Variants in ARHGEF2 observed in about 807,000 individuals in gnomAD.
ARHGEF2 encodes Rho/Rac guanine nucleotide exchange factor 2.
Under a neutral mutation model 121.0 loss-of-function variants are expected in ARHGEF2, and 22 were observed. The ratio of observed to expected loss-of-function variants is 0.18; its 90% CI spans 0.13 to 0.26. The LOEUF (loss-of-function observed/expected upper bound fraction) is 0.26. Among genes scored for constraint, ARHGEF2 ranks in the 10% least tolerant of loss-of-function variants. The pLI is 1.00. For synonymous variants in ARHGEF2, 487 were observed against 530.0 expected (o/e 0.92, Z 1.11); for missense variants, 907 against 1,336.0 (o/e 0.68, Z 5.01).
At position 155,962,296 on chromosome 1, in the gene ARHGEF2, T is replaced by C; in HGVS notation, c.1102-74A>G. 6.8e-7 allele frequency: 1 copy of C among 1,476,926 alleles called. No individual in the cohort carries two copies. Among genetic ancestry groups the C allele is most frequent in the Non-Finnish European group, 9.4e-7 (1 of 1,066,062 alleles). 91.5% of individuals were successfully genotyped at this position (1,476,926 alleles called of 1,614,324 possible). ...AGGCCTGGGGCCTGAGCTCTGGTGC[T>C]GGCCCTGGCGTGGCCATTTACCTCA... On this transcript the variant is annotated intron_variant, in intron 9 of 21. Transcript: ENST00000361247. This position sits in a 1 kb window ranked among gnomAD's most constrained non-coding sequence, Gnocchi z 5.8.
Position 155,950,952 on chromosome 1 carries a change from C to G in ARHGEF2, c.2580G>C (p.Leu860=). The G allele has an allele frequency of 6.2e-7, 1 of 1,606,998 alleles. No individual in the cohort carries two copies. Among genetic ancestry groups the G allele is most frequent in the African/African-American group, 1.3e-5 (1 of 74,946 alleles). The change falls in exon 20 of 22, where the codon CTG becomes CTC. Residue 860 remains leucine (L), a synonymous_variant. Coordinates refer to ENST00000361247, the MANE Select transcript of ARHGEF2 (RefSeq NM_001162383.2). The surrounding 1 kb of genome is among the most constrained non-coding windows in gnomAD (Gnocchi z 5.2). The stretch of plus-strand genomic sequence containing the variant: ...GTGGCTCGGTCTGGCCCAGGGCGGC[C>G]AGCTGCCTTCGAGCCTCTTCGGCCT... ...EREAEEARRQ[L]AALGQTEPLP...
Position 155,970,291 on chromosome 1 carries a change from C to A in ARHGEF2, c.64-991G>T, listed in dbSNP as rs1572180786. 12 of 985,640 alleles carry A rather than the reference C, an allele frequency of 1.2e-5. No homozygotes were observed. In the South Asian group the frequency reaches 4.2e-4, roughly 35 times the overall value. The allele number at this position is 985,640 out of a possible 1,614,324, so 61.1% of individuals were successfully genotyped here. On this transcript the variant is annotated intron_variant, in intron 1 of 21. Coordinates refer to ENST00000361247, the MANE Select transcript of ARHGEF2 (RefSeq NM_001162383.2). ...CATCTCTGCTGTCTCCCATTTCCCC[C>A]AGTGCCCCTGCCTCTGCAAGTCAAG... is the stretch of plus-strand genomic sequence containing the variant.
chr1:155,951,667 C>T lies in ARHGEF2; in HGVS notation c.2208+74G>A. The T allele has an allele frequency of 1.2e-6, 2 of 1,610,850 alleles. No individual in the cohort carries two copies. ...ATGTAGACGCTTTCCCCACCCCACT[C>T]CAAACTGGGCTCTAACTACTCAGAC... is the stretch of plus-strand genomic sequence containing the variant. On this transcript the variant is annotated intron_variant, in intron 18 of 21. Coordinates refer to ENST00000361247, the MANE Select transcript of ARHGEF2 (RefSeq NM_001162383.2). This position sits in a 1 kb window ranked among gnomAD's most constrained non-coding sequence, Gnocchi z 5.1.
In ARHGEF2 at chr1:155,951,911, G is replaced by T. The variant is rs751397584; in HGVS notation, c.2172+8C>A. The T allele has an allele frequency of 8.1e-6, 13 of 1,613,954 alleles. No individual in the cohort carries two copies. In the South Asian group the frequency reaches 1.3e-4, roughly 16 times the overall value. On this transcript the variant is annotated splice_region_variant and intron_variant, in intron 17 of 21. Transcript: ENST00000361247. The surrounding 1 kb of genome is among the most constrained non-coding windows in gnomAD (Gnocchi z 5.1). ...CTTGCCAAGTCCCAGAACCTCTTGA[G>T]GACCTACCCTCTGGCTAGAGTCTGA... is the stretch of plus-strand genomic sequence containing the variant.
intron 1 of ARHGEF2, chr1:155,970,319 A>T: frequency 1.0e-6 from 1 of 985,402 alleles, no homozygotes; most frequent in South Asian, 4.7e-5. Flanking sequence ...AAGTCAAGTC[A>T]TTCTCCCTGA....
chr1:155,965,752 G>A lies in ARHGEF2; in HGVS notation c.349C>T (p.Arg117Trp), dbSNP rs1218424526. ...SVSLRSKTTI[R>W]ERPSSAIYPS... ...TAGATGGCCGAGCTTGGCCGCTCCC[G>A]GATGGTTGCTGTGGGGGAGAGATGC... Residue 117 changes from arginine (R) to tryptophan (W), a missense_variant, in exon 5 of 22, where the codon CGG becomes TGG. By Grantham distance (101) the Arg-to-Trp change is moderately radical. Coordinates refer to ENST00000361247, the MANE Select transcript of ARHGEF2 (RefSeq NM_001162383.2). The surrounding 1 kb of genome is among the most constrained non-coding windows in gnomAD (Gnocchi z 6.0). The A allele has an allele frequency of 1.9e-6, 3 of 1,596,002 alleles. No individual in the cohort carries two copies. Among genetic ancestry groups the A allele is most frequent in the Middle Eastern group, 1.7e-4 (1 of 5,908 alleles).
At chr1:155,959,142 T>C (rs1677350766) in intron 11 of ARHGEF2, among the ~76,000 whole-genome samples, 2 of 152,304 alleles carry the variant, frequency 1.3e-5, no homozygotes, top group South Asian at 4.1e-4. Flanking sequence ...ACATAACTCG[T>C]GTATTTTTTT....
Position 155,978,065 on chromosome 1 carries a change from A to C in ARHGEF2, c.63+300T>G. The stretch of plus-strand genomic sequence containing the variant: ...CCTCCCTCTTCCCGCTCCGTCCCTT[A>C]CCGGAGCAACTTTCTTTCAAGCGGC... On this transcript the variant is annotated intron_variant, in intron 1 of 21. Transcript: ENST00000361247. The surrounding 1 kb of genome is among the most constrained non-coding windows in gnomAD (Gnocchi z 4.1). 1 of 1,140,544 alleles carries C rather than the reference A, an allele frequency of 8.8e-7. No individual in the cohort carries two copies. 70.7% of individuals were successfully genotyped at this position (1,140,544 alleles called of 1,614,324 possible). A position where few individuals can be genotyped will look rare whatever the true frequency, so the allele number is the denominator to read the frequency against.
Position 155,961,699 on chromosome 1 carries a change from C to T in ARHGEF2, c.1430G>A (p.Gly477Asp), listed in dbSNP as rs1377110415. Residue 477 changes from glycine to aspartate, a missense_variant, in exon 11 of 22, where the codon GGC (glycine) becomes GAC (aspartate). By Grantham distance (94) the Gly-to-Asp change is moderately conservative (BLOSUM62 -1). Coordinates refer to ENST00000361247, the MANE Select transcript of ARHGEF2 (RefSeq NM_001162383.2). This position sits in a 1 kb window ranked among gnomAD's most constrained non-coding sequence, Gnocchi z 4.7. ...CGTCGCTGTCTTCCAGAGCAGGCAG[C>T]CATCGTGGATGAGTTTGCGCCTCAG... The part of the protein sequence containing the change: ...ELLRRKLIHD[G>D]CLLWKTATGR... 6 of 1,613,660 alleles carry T rather than the reference C, an allele frequency of 3.7e-6. No homozygotes were observed. The highest frequency in any genetic ancestry group is 5.1e-6 in the Non-Finnish European group (6 of 1,180,036).
Position 155,969,322 on chromosome 1 carries a change from G to A in ARHGEF2, c.64-22C>T, listed in dbSNP as rs376320467. 8 of 1,612,620 alleles carry A rather than the reference G, an allele frequency of 5.0e-6. No homozygotes were observed. In the African/African-American group the frequency reaches 9.3e-5, roughly 19 times the overall value. On this transcript the variant is annotated intron_variant, in intron 1 of 21. Transcript: ENST00000361247. ...GGGTCTGTGGAAGGGATGAGAGGGA[G>A]AGGAAGTGAGGCTGGAAAATGCCAG... is the stretch of plus-strand genomic sequence containing the variant.
chr1:155,978,690 G>A (rs1681800681), upstream of ARHGEF2: 2 of 952,282 alleles, frequency 2.1e-6, no homozygotes, highest in Non-Finnish European at 2.7e-6. This position sits in a 1 kb window ranked among gnomAD's most constrained non-coding sequence, Gnocchi z 4.1. Flanking sequence ...GGGCAGCTCG[G>A]AGAGGTACGA....
chr1:155,978,947 C>T, upstream of ARHGEF2: 1 of 985,800 alleles, frequency 1.0e-6, no homozygotes, highest in Non-Finnish European at 1.2e-6. The surrounding 1 kb of genome is among the most constrained non-coding windows in gnomAD (Gnocchi z 4.1). Context: ...AGGAGAATTC[C>T]ATCCGCCCCC....
Position 155,966,805 on chromosome 1 carries a change from T to A in ARHGEF2, c.276+15A>T. 1 of 1,606,372 alleles carries A rather than the reference T, an allele frequency of 6.2e-7. No homozygotes were observed. The highest frequency in any genetic ancestry group is 8.5e-7 in the Non-Finnish European group (1 of 1,173,220). Reference sequence around the variant, plus strand: ...TACCCTCTCCCCCAGCCCTCTGCCCTCCCTGCCGTCTCACCTTCTGCTTGA... The same window carrying A: ...TACCCTCTCCCCCAGCCCTCTGCCCACCCTGCCGTCTCACCTTCTGCTTGA... On this transcript the variant is annotated intron_variant, in intron 3 of 21. Coordinates refer to ENST00000361247, the MANE Select transcript of ARHGEF2 (RefSeq NM_001162383.2).
At position 155,951,259 on chromosome 1, in the gene ARHGEF2, T is replaced by C; in HGVS notation, c.2273A>G (p.Gln758Arg). The C allele has an allele frequency of 6.2e-7, 1 of 1,604,584 alleles. No individual in the cohort carries two copies. Among genetic ancestry groups the C allele is most frequent in the African/African-American group, 1.3e-5 (1 of 74,836 alleles). ...LLHGLQAAVAQQDTLMEARFP... is the reference protein window; with the variant it reads ...LLHGLQAAVARQDTLMEARFP... ...CCGGGCTTCCATCAGAGTGTCCTGC[T>C]GGGCCACAGCTGCCTGGGAGTAGAA... The change falls in exon 20 of 22, where the codon CAG (glutamine) becomes CGG (arginine). Residue 758 changes from glutamine to arginine, a missense_variant. By Grantham distance (43) the Gln-to-Arg change is conservative. Around this residue, in one of 2 missense-constraint regions of ARHGEF2, gnomAD observed 432 missense variants for 559.5 expected, o/e 0.77. Coordinates refer to ENST00000361247, the MANE Select transcript of ARHGEF2 (RefSeq NM_001162383.2). The surrounding 1 kb of genome is among the most constrained non-coding windows in gnomAD (Gnocchi z 5.1).
chr1:155,960,765 TCA>T (rs1181112145), intron 11 of ARHGEF2, among the ~76,000 whole-genome samples: 3 of 152,226 alleles, frequency 2.0e-5, no homozygotes, highest in Admixed American at 6.5e-5. Flanking sequence ...GCCTCAGGTA[TCA>T]CAGTTTCCTA....
chr1:155,970,270 T>A, intron 1 of ARHGEF2: 1 of 985,572 alleles, frequency 1.0e-6, no homozygotes, highest in Non-Finnish European at 1.2e-6. Context: ...ATTTTCCATC[T>A]CTGCTGTCTC....
chr1:155,952,081 C>A (rs1446403512), intron 16 of ARHGEF2, 35 bp downstream of exon 16: 1 of 1,614,124 alleles, frequency 6.2e-7, no homozygotes, highest in Non-Finnish European at 8.5e-7. Context: ...TGGCCCCTCC[C>A]ACCTACTACC....
intron 3 of ARHGEF2, 27 bp downstream of exon 3, chr1:155,966,793 A>C: frequency 6.3e-7 from 1 of 1,586,704 alleles, no homozygotes; most frequent in Admixed American, 1.7e-5. Context: ...CCTCTCCCCC[A>C]GCCCTCTGCC....
rs1387347074 is a variant in ARHGEF2 at position 155,962,704 on chromosome 1, A to G, written c.990T>C (p.Ser330=). Residue 330 remains serine (S), a synonymous_variant, in exon 9 of 22, where the codon AGT becomes AGC. Transcript: ENST00000361247. This position sits in a 1 kb window ranked among gnomAD's most constrained non-coding sequence, Gnocchi z 5.8. ...DLLISQFSGP[S]AEQMCKTYSE... ...AGTAGGTCTTACACATCTGCTCCGC[A>G]CTAGGACCTGAGAACTAGAAGTTGG... The G allele has an allele frequency of 4.3e-6, 7 of 1,613,998 alleles. No homozygotes were observed. The highest frequency in any genetic ancestry group is 2.2e-5 in the South Asian group (2 of 91,084).
Sources: allele counts gnomAD v4.1 joint callset (sites outside exome capture counted in the v4.1 genomes callset), GRCh38; gene constraint gnomAD v4.1.1; regional missense constraint gnomAD v4.1.1; non-coding constraint Gnocchi (gnomAD v3.1); transcripts MANE v1.5; gene names NCBI Gene and HGNC (gene_info 2026-07-23, HGNC 2026-07-21).